The following FGF7 variants were observed in gnomAD, a reference collection of about 807,000 sequenced individuals.
FGF7 encodes the protein FGF-7.
A neutral mutation model predicts 20.5 loss-of-function variants in FGF7; 6 were observed. The observed-to-expected ratio is 0.29, with a 90% confidence interval of 0.16 to 0.58. FGF7 has a LOEUF of 0.58. Ranked by LOEUF, FGF7 falls within the 20% of genes least tolerant of loss-of-function variation. FGF7 has a pLI of 0.90. For synonymous variants in FGF7, 64 were observed against 74.7 expected (o/e 0.86, Z 0.74); for missense variants, 144 against 228.8 (o/e 0.63, Z 2.39).
chr15:49,453,778 T>C (rs1049678339), intron 2 of FGF7, among the ~76,000 whole-genome samples: 4 of 152,208 alleles, frequency 2.6e-5, no homozygotes, highest in Admixed American at 6.5e-5. Flanking sequence ...GCTCTCCTGA[T>C]GACCTCCAGG....
intron 2 of FGF7, among the ~76,000 whole-genome samples, chr15:49,443,025 T>G (rs572916643): frequency 6.6e-6 from 1 of 151,854 alleles, no homozygotes. Context: ...TCCTGGCACA[T>G]ATTAAGTGTT....
intron 2 of FGF7, among the ~76,000 whole-genome samples, chr15:49,471,484 A>AAATAATAATAATAATAAT (rs201297260): frequency 7.3e-6 from 1 of 137,860 alleles, no homozygotes; most frequent in African/African-American, 2.7e-5. Flanking sequence ...CTCTATCTCA[A>AAATAATAATAATAATAAT]AATAATAATA....
At chr15:49,426,491 A>G (rs1042183075) in intron 2 of FGF7, among the ~76,000 whole-genome samples, 2 of 151,998 alleles carry the variant, frequency 1.3e-5, no homozygotes, top group African/African-American at 2.4e-5. Flanking sequence ...GAAAATGAAT[A>G]GTATGCATAA....
At chr15:49,452,047 AT>A (rs1004537305) in intron 2 of FGF7, among the ~76,000 whole-genome samples, 110 of 146,162 alleles carry the variant, frequency 7.5e-4, no homozygotes, top group East Asian at 3.6e-3. Flanking sequence ...TACCAACCAG[AT>A]TTTTTTTTTT....
At chr15:49,464,389 T>G (rs2054079151) in intron 2 of FGF7, among the ~76,000 whole-genome samples, 1 of 152,212 alleles carries the variant, frequency 6.6e-6, no homozygotes, top group Non-Finnish European at 1.5e-5. Flanking sequence ...TCCTCTAAAA[T>G]GATCCAACTT....
At chr15:49,442,154 C>CT (rs926552522) in intron 2 of FGF7, among the ~76,000 whole-genome samples, 1 of 151,406 alleles carries the variant, frequency 6.6e-6, no homozygotes, top group African/African-American at 2.4e-5. Flanking sequence ...TCATTTGGCT[C>CT]TTTTTTTTCT....
intron 2 of FGF7, among the ~76,000 whole-genome samples, chr15:49,445,233 A>G (rs2052076321): frequency 6.6e-6 from 1 of 151,620 alleles, no homozygotes; most frequent in South Asian, 2.1e-4. Context: ...GGTACTGAGC[A>G]TAGTACCCAA....
chr15:49,460,384 T>C (rs1000684892), intron 2 of FGF7, among the ~76,000 whole-genome samples: 3 of 152,190 alleles, frequency 2.0e-5, no homozygotes, highest in Admixed American at 6.5e-5. Flanking sequence ...TATAATTTAC[T>C]TAAGTGTTTT....
At chr15:49,446,634 C>T (rs2052245174) in intron 2 of FGF7, among the ~76,000 whole-genome samples, 1 of 151,446 alleles carries the variant, frequency 6.6e-6, no homozygotes, top group South Asian at 2.1e-4. Flanking sequence ...AAAAAAGGTG[C>T]AGATGCATTA....
In FGF7 at chr15:49,486,563, TTAAAAGGG is replaced by T. The variant is rs904996094; in HGVS notation, c.*2065_*2072del. On this transcript the variant is annotated 3_prime_UTR_variant, in exon 4 of 4. Coordinates refer to ENST00000267843, the MANE Select transcript of FGF7 (RefSeq NM_002009.4). ...ATACACACTAAAACTAATCTTCATT[TTAAAAGGG>T]TAAAACATGACTATACAGAAATTTA... is the stretch of plus-strand genomic sequence containing the variant. 29 of 152,128 alleles carry T rather than the reference TTAAAAGGG, an allele frequency of 1.9e-4. No individual in the cohort carries two copies. Among genetic ancestry groups the T allele is most frequent in the African/African-American group, 7.0e-4 (29 of 41,548 alleles). 9.4% of individuals were successfully genotyped at this position (152,128 alleles called of 1,614,324 possible). A position where few individuals can be genotyped will look rare whatever the true frequency, so the allele number is the denominator to read the frequency against.
chr15:49,466,294 G>A (rs2054260755), intron 2 of FGF7, among the ~76,000 whole-genome samples: 2 of 152,154 alleles, frequency 1.3e-5, no homozygotes, highest in African/African-American at 4.8e-5. Flanking sequence ...CAGTCCATGA[G>A]GCAATATTTG....
chr15:49,426,957 G>C (rs1054600914), intron 2 of FGF7, among the ~76,000 whole-genome samples: 2 of 151,898 alleles, frequency 1.3e-5, no homozygotes, highest in Admixed American at 6.6e-5. Flanking sequence ...TATCTTATTG[G>C]AGAAGGAGTC....
chr15:49,452,435 A>G (rs1251531574), intron 2 of FGF7, among the ~76,000 whole-genome samples: 1 of 152,192 alleles, frequency 6.6e-6, no homozygotes, highest in African/African-American at 2.4e-5. Context: ...ATCTATTTCT[A>G]TACTTGCTAT....
chr15:49,479,230 T>C (rs1353910935), intron 2 of FGF7, among the ~76,000 whole-genome samples: 1 of 147,372 alleles, frequency 6.8e-6, no homozygotes, highest in Non-Finnish European at 1.5e-5. Context: ...TCATGTTCTA[T>C]TGCATGAGCT....
chr15:49,488,506 A>G lies in FGF7; in HGVS notation c.*4002A>G, dbSNP rs1197660019. ...TCTCCATTCTCAAACTACACTTCTCAAGGAACCAGATATTTACTCTCATCT... is the reference window on the plus strand; with the variant it reads ...TCTCCATTCTCAAACTACACTTCTCGAGGAACCAGATATTTACTCTCATCT... On this transcript the variant is annotated 3_prime_UTR_variant, in exon 4 of 4. Coordinates refer to ENST00000267843, the MANE Select transcript of FGF7 (RefSeq NM_002009.4). 1 of 151,914 alleles carries G rather than the reference A, an allele frequency of 6.6e-6. No homozygotes were observed. The highest frequency in any genetic ancestry group is 1.9e-4 in the East Asian group (1 of 5,180). 9.4% of individuals were successfully genotyped at this position (151,914 alleles called of 1,614,324 possible).
chr15:49,440,605 A>C lies in FGF7; in HGVS notation c.286+16022A>C, dbSNP rs186900004. 2.6e-5 allele frequency among the ~76,000 whole-genome samples: 4 copies of C among 151,926 alleles called. No homozygotes were observed. In the East Asian group the frequency reaches 7.8e-4, roughly 30 times the overall value. Reference sequence around the variant, plus strand: ...CATTAATATTTATTAAACAGATGGGAGAATAAAAACTTCTCTTTATTGGGT... The same window carrying C: ...CATTAATATTTATTAAACAGATGGGCGAATAAAAACTTCTCTTTATTGGGT... On this transcript the variant is annotated intron_variant, in intron 2 of 3. Transcript: ENST00000267843.
intron 2 of FGF7, among the ~76,000 whole-genome samples, chr15:49,463,235 T>C (rs940002910): frequency 1.3e-5 from 2 of 152,126 alleles, no homozygotes; most frequent in Non-Finnish European, 2.9e-5. Flanking sequence ...AACTTTTCAG[T>C]GGCTTACCAT....
intron 2 of FGF7, among the ~76,000 whole-genome samples, chr15:49,476,140 CTCTA>C (rs964077619): frequency 1.6e-4 from 24 of 151,710 alleles, no homozygotes; most frequent in Admixed American, 1.4e-3. Context: ...CTAATTCAAG[CTCTA>C]TCTATTCCTC....
intron 2 of FGF7, among the ~76,000 whole-genome samples, chr15:49,457,496 G>C (rs1014855795): frequency 6.6e-6 from 1 of 151,910 alleles, no homozygotes; most frequent in Non-Finnish European, 1.5e-5. Context: ...AAATACTTGA[G>C]TCACTTTTTC....
Sources: gnomAD v4.1 joint callset for allele counts (sites outside exome capture counted in the v4.1 genomes callset) on GRCh38, gnomAD v4.1.1 for gene constraint, MANE v1.5 for transcripts, NCBI Gene and HGNC (gene_info 2026-07-23, HGNC 2026-07-21) for gene names.